Variants in IMMP1L observed in about 807,000 individuals in gnomAD.
IMMP1L encodes inner mitochondrial membrane peptidase subunit 1, also known as mitochondrial inner membrane protease subunit 1.
In IMMP1L, 24 loss-of-function variants were observed where a neutral mutation model predicts 21.8. The ratio of observed to expected loss-of-function variants is 1.10; its 90% confidence interval spans 0.80 to 1.55. IMMP1L has a LOEUF of 1.55. Among genes scored for constraint, IMMP1L ranks in the 40% most tolerant of loss-of-function variants. The pLI is 0.00. For synonymous variants in IMMP1L, 46 were observed against 62.8 expected, an observed-to-expected ratio of 0.73 and a Z score of 1.26; for missense variants, 195 against 200.7, an observed-to-expected ratio of 0.97 and a Z score of 0.17.
At chr11:31,452,479 T>C in intron 4 of IMMP1L, 1 of 985,460 alleles carries the variant, frequency 1.0e-6, no homozygotes, top group Non-Finnish European at 1.2e-6. Context: ...ACTCATTTTA[T>C]TTATTTCTTA....
chr11:31,462,382 G>A (rs1283383162), intron 2 of IMMP1L, among the ~76,000 whole-genome samples: 5 of 150,098 alleles, frequency 3.3e-5, no homozygotes, highest in African/African-American at 1.2e-4. Context: ...CACCTTAACT[G>A]GAGGTTATGT....
At chr11:31,468,828 T>C (rs1263063522) in intron 1 of IMMP1L, among the ~76,000 whole-genome samples, 2 of 152,194 alleles carry the variant, frequency 1.3e-5, no homozygotes, top group Non-Finnish European at 2.9e-5. Context: ...AAAAGATTCC[T>C]CTGATGAAAA....
intron 1 of IMMP1L, among the ~76,000 whole-genome samples, chr11:31,492,277 C>G (rs1380925397): frequency 6.6e-6 from 1 of 152,174 alleles, no homozygotes; most frequent in Non-Finnish European, 1.5e-5. Flanking sequence ...CCTTAAACCT[C>G]ATTAATACAA....
intron 1 of IMMP1L, among the ~76,000 whole-genome samples, chr11:31,473,979 TAGAGGAAC>T (rs1954651354): frequency 6.6e-6 from 1 of 152,204 alleles, no homozygotes; most frequent in African/African-American, 2.4e-5. Context: ...TTTGTTCCGA[TAGAGGAAC>T]AGAGTTTGAG....
intron 1 of IMMP1L, among the ~76,000 whole-genome samples, chr11:31,471,500 C>T (rs1252157297): frequency 6.6e-6 from 1 of 151,776 alleles, no homozygotes; most frequent in Non-Finnish European, 1.5e-5. Flanking sequence ...TATTTAGATG[C>T]TAAATTATAT....
At chr11:31,498,089 A>G (rs759415316) in intron 1 of IMMP1L, among the ~76,000 whole-genome samples, 35 of 152,336 alleles carry the variant, frequency 2.3e-4, no homozygotes, top group South Asian at 4.1e-4. Flanking sequence ...GATTTAGGAA[A>G]TGTTAATAGA....
intron 1 of IMMP1L, among the ~76,000 whole-genome samples, chr11:31,484,918 A>T (rs1387289743): frequency 6.6e-6 from 1 of 151,950 alleles, no homozygotes; most frequent in Non-Finnish European, 1.5e-5. Context: ...ATAAATTTTC[A>T]AATTAAAAAA....
intron 1 of IMMP1L, among the ~76,000 whole-genome samples, chr11:31,495,975 T>A (rs1036767983): frequency 1.2e-4 from 18 of 152,066 alleles, no homozygotes; most frequent in Non-Finnish European, 2.4e-4. Flanking sequence ...GAAATAAAAA[T>A]ATATAAACTA....
intron 1 of IMMP1L, among the ~76,000 whole-genome samples, chr11:31,482,427 A>G (rs931066013): frequency 2.6e-5 from 4 of 152,064 alleles, no homozygotes; most frequent in African/African-American, 9.7e-5. Flanking sequence ...CAAACCTCAT[A>G]GAAGAAGAAA....
chr11:31,436,186 T>C (rs1257328528), intron 4 of IMMP1L, among the ~76,000 whole-genome samples: 3 of 152,136 alleles, frequency 2.0e-5, no homozygotes, highest in Non-Finnish European at 4.4e-5. Flanking sequence ...TTTTTTGTCT[T>C]TTTATATTAT....
intron 1 of IMMP1L, chr11:31,488,207 A>G (rs1955146313): frequency 6.6e-6 from 1 of 152,216 alleles, no homozygotes; most frequent in African/African-American, 2.4e-5. Context: ...AGCATGTCTT[A>G]AAGCATAGGT....
intron 4 of IMMP1L, among the ~76,000 whole-genome samples, chr11:31,438,348 A>G (rs1472507156): frequency 1.3e-5 from 2 of 152,174 alleles, no homozygotes; most frequent in Non-Finnish European, 2.9e-5. Flanking sequence ...TTTGTGAAGT[A>G]TCCATTAAAA....
chr11:31,469,431 A>C (rs952147446), intron 1 of IMMP1L, among the ~76,000 whole-genome samples: 3 of 152,178 alleles, frequency 2.0e-5, no homozygotes, highest in African/African-American at 4.8e-5. Context: ...ATTATACACA[A>C]CACAATACTA....
At chr11:31,495,767 G>C (rs1955411106) in intron 1 of IMMP1L, among the ~76,000 whole-genome samples, 1 of 151,956 alleles carries the variant, frequency 6.6e-6, no homozygotes, top group East Asian at 1.9e-4. Flanking sequence ...CATTCAATGG[G>C]GAAAAGGCAG....
chr11:31,436,390 A>G (rs1374136288), intron 4 of IMMP1L, among the ~76,000 whole-genome samples: 4 of 152,200 alleles, frequency 2.6e-5, no homozygotes, highest in Non-Finnish European at 4.4e-5. Flanking sequence ...CTTTTGTAGC[A>G]GTTATGACCT....
intron 2 of IMMP1L, 36 bp downstream of exon 2, chr11:31,463,136 T>C: frequency 4.0e-6 from 6 of 1,518,524 alleles, no homozygotes; most frequent in Non-Finnish European, 4.5e-6. Context: ...AGAAAGTATA[T>C]ATTTAAGATG....
intron 4 of IMMP1L, chr11:31,453,171 A>C: frequency 8.5e-7 from 1 of 1,176,278 alleles, no homozygotes; most frequent in Non-Finnish European, 1.1e-6. Flanking sequence ...GAAAACAAAC[A>C]AACAAAAAAG....
Position 31,433,479 on chromosome 11 carries a change from CTTA to C in IMMP1L, c.410_412del (p.Ile137del), listed in dbSNP as rs1952993335. On this transcript the variant is annotated inframe_deletion, in exon 5 of 6. Coordinates refer to ENST00000532287, the MANE Select transcript of IMMP1L (RefSeq NM_001304274.2). Reference sequence around the variant, plus strand: ...TGGTACCTTAAAGAAGATTCGTCCTCTTATTAGTCCATATGGAATAGGTCCATA... The same window carrying C: ...TGGTACCTTAAAGAAGATTCGTCCTCTTAGTCCATATGGAATAGGTCCATA... The C allele has an allele frequency of 6.3e-7, 1 of 1,588,370 alleles. No homozygotes were observed. The highest frequency in any genetic ancestry group is 1.7e-5 in the Admixed American group (1 of 58,130).
In IMMP1L at chr11:31,484,241, C is replaced by T. The variant is rs556670775; in HGVS notation, c.-29-20936G>A. On this transcript the variant is annotated intron_variant, in intron 1 of 5. Coordinates refer to ENST00000532287, the MANE Select transcript of IMMP1L (RefSeq NM_001304274.2). ...ATATACAGTAAAAGTCCCATCTTCC[C>T]TGTTTTCTTCTTCATCCCCACAAAG... is the stretch of plus-strand genomic sequence containing the variant. Among the ~76,000 whole-genome samples, 146 of 151,980 alleles carry T rather than the reference C, an allele frequency of 9.6e-4. 3 individuals are homozygous for T. The South Asian group carries it at 0.029, about 30-fold the overall frequency.
Sources: gnomAD v4.1 joint callset for allele counts (sites outside exome capture counted in the v4.1 genomes callset) on GRCh38, gnomAD v4.1.1 for gene constraint, MANE v1.5 for transcripts, NCBI Gene and HGNC (gene_info 2026-07-23, HGNC 2026-07-21) for gene names.